KIFBP: variants seen among roughly 807,000 people sequenced by gnomAD.
KIFBP encodes kinesin family binding protein.
KIFBP carries 46 observed loss-of-function variants against 58.9 expected under a neutral mutation model. That is an observed-to-expected ratio of 0.78 (90% confidence interval 0.62 to 1.00). The LOEUF is 1.00. KIFBP is among the 50% of genes least tolerant of loss of function. The pLI, the probability that KIFBP is intolerant of heterozygous loss-of-function variation, is 0.00. For synonymous variants in KIFBP, 241 were observed against 283.4 expected (o/e 0.85, Z 1.50); for missense variants, 651 against 752.9 (o/e 0.86, Z 1.58).
intron 1 of KIFBP, among the ~76,000 whole-genome samples, chr10:68,990,704 C>G (rs1297770149): frequency 6.6e-6 from 1 of 151,952 alleles, no homozygotes; most frequent in Non-Finnish European, 1.5e-5. Context: ...GAAGGAAAAT[C>G]GCAGGGCTGA....
chr10:69,016,671 A>G lies in KIFBP; in HGVS notation c.*255A>G, dbSNP rs779133343. 2.9e-5 allele frequency: 13 copies of G among 452,144 alleles called. No individual in the cohort carries two copies. The highest frequency in any genetic ancestry group is 1.1e-4 in the Admixed American group (3 of 27,546). The allele number at this position is 452,144 out of a possible 1,614,324, so 28.0% of individuals were successfully genotyped here. A position where few individuals can be genotyped will look rare whatever the true frequency, so the allele number is the denominator to read the frequency against. ...ATGCTTGTTTCCTATTAAAATACAG[A>G]CATTTCTACCCTCAGTTTCTAAATG... On this transcript the variant is annotated 3_prime_UTR_variant, in exon 7 of 7. Transcript: ENST00000361983.
At chr10:69,010,357 T>A (rs1315884841) in intron 5 of KIFBP, among the ~76,000 whole-genome samples, 5 of 152,234 alleles carry the variant, frequency 3.3e-5, no homozygotes, top group Non-Finnish European at 7.3e-5. Flanking sequence ...ATTATACTCA[T>A]GTTTCAAGTT....
intron 1 of KIFBP, chr10:68,995,088 G>A (rs891830388): frequency 6.6e-6 from 1 of 151,742 alleles, no homozygotes; most frequent in African/African-American, 2.4e-5. Context: ...GTGGGATTTC[G>A]GCTCACTGCA....
chr10:69,008,211 G>A (rs1309964852), intron 4 of KIFBP, among the ~76,000 whole-genome samples: 2 of 150,830 alleles, frequency 1.3e-5, no homozygotes, highest in Non-Finnish European at 2.9e-5. Context: ...ATTGCTTCAG[G>A]CCAGGAGTTG....
intron 4 of KIFBP, 65 bp downstream of exon 4, chr10:69,005,980 T>TA: frequency 7.1e-7 from 1 of 1,402,594 alleles, no homozygotes; most frequent in Non-Finnish European, 1.0e-6. Context: ...GAACCAGTAG[T>TA]ACCTTGAAAA....
intron 6 of KIFBP, chr10:69,011,224 AC>A (rs770174508): frequency 1.9e-5 from 10 of 524,936 alleles, no homozygotes; most frequent in Non-Finnish European, 3.5e-5. Flanking sequence ...CCGAGATTGG[AC>A]CACTGCACTC....
At chr10:69,002,574 G>A (rs1421903194) in intron 2 of KIFBP, among the ~76,000 whole-genome samples, 1 of 151,948 alleles carries the variant, frequency 6.6e-6, no homozygotes, top group Non-Finnish European at 1.5e-5. Flanking sequence ...TCTTATATGT[G>A]AAATTGTTAA....
chr10:68,995,948 A>G (rs1185038427), intron 1 of KIFBP, among the ~76,000 whole-genome samples: 11 of 152,172 alleles, frequency 7.2e-5, no homozygotes, highest in Admixed American at 3.3e-4. Flanking sequence ...ACTTGAGGTC[A>G]GGAGTTTGAG....
At chr10:68,989,554 C>A in intron 1 of KIFBP, 1 of 532,072 alleles carries the variant, frequency 1.9e-6, no homozygotes, top group Non-Finnish European at 3.4e-6. Context: ...CATTGGTGTC[C>A]GAGACCCTCC....
intron 2 of KIFBP, among the ~76,000 whole-genome samples, chr10:69,004,624 A>T (rs1843511570): frequency 6.6e-6 from 1 of 152,010 alleles, no homozygotes; most frequent in South Asian, 2.1e-4. Flanking sequence ...GCACTTTGGG[A>T]GGCCAAGGCA....
At chr10:69,008,241 T>A (rs1843554212) in intron 4 of KIFBP, among the ~76,000 whole-genome samples, 1 of 151,036 alleles carries the variant, frequency 6.6e-6, no homozygotes, top group Admixed American at 6.6e-5. Context: ...TTAGGCAACA[T>A]AGAGAAACCC....
chr10:68,989,187 G>C lies in KIFBP; in HGVS notation c.355G>C (p.Val119Leu). 6.2e-7 allele frequency: 1 copy of C among 1,613,850 alleles called. No homozygotes were observed. The highest frequency in any genetic ancestry group is 8.5e-7 in the Non-Finnish European group (1 of 1,179,956). Residue 119 changes from valine (V) to leucine (L), a missense_variant, in exon 1 of 7, where the codon GTG becomes CTG. Coordinates refer to ENST00000361983, the MANE Select transcript of KIFBP (RefSeq NM_015634.4). ...EELSAGEEHL[V>L]KCLRLLRRYR... is the part of the protein sequence containing the mutation. The stretch of plus-strand genomic sequence containing the variant: ...GCTGTCGGCGGGGGAGGAGCACCTG[G>C]TGAAATGCCTGCGGCTGCTGCGCAG...
chr10:68,993,026 A>G (rs1403852989), intron 1 of KIFBP, among the ~76,000 whole-genome samples: 2 of 151,708 alleles, frequency 1.3e-5, no homozygotes, highest in African/African-American at 2.4e-5. Flanking sequence ...TTTGCAGGCC[A>G]CCTCAGATTC....
chr10:69,011,186 T>C (rs1169660402), intron 6 of KIFBP, 171 bp downstream of exon 6: 5 of 606,582 alleles, frequency 8.2e-6, no homozygotes, highest in Non-Finnish European at 1.5e-5. Flanking sequence ...TCGAATTGCT[T>C]GAATCCGGGA....
At chr10:69,004,993 C>G in intron 2 of KIFBP, 53 bp from the exon 3 acceptor site, 1 of 1,288,248 alleles carries the variant, frequency 7.8e-7, no homozygotes. Context: ...GAAGAGGGCA[C>G]TTGGTGTTTA....
chr10:69,013,956 G>T (rs991268717), intron 6 of KIFBP, among the ~76,000 whole-genome samples: 1 of 152,066 alleles, frequency 6.6e-6, no homozygotes, highest in South Asian at 2.1e-4. Flanking sequence ...TTACCATGTT[G>T]CCCAGGCTGG....
Position 69,016,002 on chromosome 10 carries a change from G to A in KIFBP, c.1452G>A (p.Met484Ile), listed in dbSNP as rs762099157. The change falls in exon 7 of 7, where the codon ATG (methionine) becomes ATA (isoleucine). Residue 484 changes from methionine (M) to isoleucine (I), a missense_variant. Met to Ile is a conservative substitution (Grantham distance 10). Transcript: ENST00000361983. ...QFEIAHAYYD[M>I]MDLKVAIADR... ...AAATTGCACATGCTTACTATGATAT[G>A]ATGGATTTGAAGGTTGCCATTGCTG... The A allele has an allele frequency of 1.2e-6, 2 of 1,614,126 alleles. No individual in the cohort carries two copies. The highest frequency in any genetic ancestry group is 4.5e-5 in the East Asian group (2 of 44,882).
intron 1 of KIFBP, among the ~76,000 whole-genome samples, chr10:68,990,470 C>T (rs756140863): frequency 2.0e-5 from 3 of 152,116 alleles, no homozygotes; most frequent in Non-Finnish European, 4.4e-5. Flanking sequence ...GGGAGGATCA[C>T]TTGAGCCCCT....
In KIFBP at chr10:69,015,753, CTA is replaced by C. The variant is rs1157533413; in HGVS notation, c.1205_1206del (p.Tyr402CysfsTer3). On this transcript the variant is annotated frameshift_variant, in exon 7 of 7. Coordinates refer to ENST00000361983, the MANE Select transcript of KIFBP (RefSeq NM_015634.4). LOFTEE classifies it high-confidence loss of function. ...ARELFLLGQH[Y>X]VFEAKEFFQI... ...GAGAACTTTTCTTATTGGGTCAGCA[CTA>C]TGTCTTTGAGGCAAAAGAGTTCTTT... The C allele has an allele frequency of 1.2e-6, 2 of 1,614,172 alleles. No homozygotes were observed. The highest frequency in any genetic ancestry group is 2.2e-5 in the South Asian group (2 of 91,086).
Sources: gnomAD v4.1 joint callset for allele counts (sites outside exome capture counted in the v4.1 genomes callset) on GRCh38, gnomAD v4.1.1 for gene constraint, MANE v1.5 for transcripts, NCBI Gene and HGNC (gene_info 2026-07-23, HGNC 2026-07-21) for gene names.